Variants in TRHDE observed in about 807,000 individuals in gnomAD.
TRHDE encodes the protein thyrotropin releasing hormone degrading enzyme.
A neutral mutation model predicts 125.7 loss-of-function variants in TRHDE; 72 were observed. The ratio of observed to expected loss-of-function variants is 0.57; its 90% CI spans 0.47 to 0.70. The LOEUF is 0.70. Among genes scored for constraint, TRHDE ranks in the 30% least tolerant of loss-of-function variants. The pLI, the probability that TRHDE is intolerant of heterozygous loss-of-function variation, is 0.00. For synonymous variants in TRHDE, 509 were observed against 509.1 expected, an observed-to-expected ratio of 1.00 and a Z score of 0.00; for missense variants, 1,110 against 1,327.1, an observed-to-expected ratio of 0.84 and a Z score of 2.54.
chr12:72,596,677 A>G (rs1027238349), intron 12 of TRHDE, among the ~76,000 whole-genome samples: 7 of 152,178 alleles, frequency 4.6e-5, no homozygotes, highest in Non-Finnish European at 1.0e-4. Context: ...CCTTTGATCT[A>G]GAAGGAGACA....
At chr12:72,441,063 T>C (rs369608704) in intron 3 of TRHDE, among the ~76,000 whole-genome samples, 1 of 151,868 alleles carries the variant, frequency 6.6e-6, no homozygotes, top group Non-Finnish European at 1.5e-5. Flanking sequence ...ATCAAAATAC[T>C]GTTATACTCA....
intron 2 of TRHDE, among the ~76,000 whole-genome samples, chr12:72,177,281 A>C (rs904927803): frequency 3.9e-5 from 6 of 152,206 alleles, no homozygotes; most frequent in African/African-American, 1.4e-4. Context: ...ATAATATTGT[A>C]TGTTAGCTTA....
chr12:72,366,655 G>T (rs1871350745), intron 2 of TRHDE, among the ~76,000 whole-genome samples: 1 of 151,898 alleles, frequency 6.6e-6, no homozygotes, highest in South Asian at 2.1e-4. Flanking sequence ...TTAAGTATAA[G>T]AGCCTATAAA....
At chr12:72,442,503 T>C (rs145906877) in intron 3 of TRHDE, among the ~76,000 whole-genome samples, 2 of 151,948 alleles carry the variant, frequency 1.3e-5, no homozygotes, top group Non-Finnish European at 2.9e-5. Flanking sequence ...TACTTATCTA[T>C]CTGCATTTCC....
chr12:72,503,875 T>A (rs1198824050), intron 6 of TRHDE, among the ~76,000 whole-genome samples: 1 of 152,172 alleles, frequency 6.6e-6, no homozygotes, highest in East Asian at 1.9e-4. Flanking sequence ...AATAGATTAT[T>A]ACTGGCCAAT....
intron 3 of TRHDE, among the ~76,000 whole-genome samples, chr12:72,455,631 T>A (rs1416037616): frequency 6.6e-6 from 1 of 152,128 alleles, no homozygotes. Flanking sequence ...AAAACTTACC[T>A]AGTAGTCAAC....
At chr12:72,549,145 T>G (rs888823890) in intron 7 of TRHDE, among the ~76,000 whole-genome samples, 1 of 151,872 alleles carries the variant, frequency 6.6e-6, no homozygotes, top group African/African-American at 2.4e-5. Flanking sequence ...ATATCATTAT[T>G]ATTGGTTTGT....
At chr12:72,486,301 C>T (rs905356044) in intron 5 of TRHDE, among the ~76,000 whole-genome samples, 27 of 152,294 alleles carry the variant, frequency 1.8e-4, no homozygotes, top group African/African-American at 6.0e-4. Context: ...GTTAGTTTTA[C>T]AAGACCCTGA....
Position 72,374,292 on chromosome 12 carries a change from AGTGTGTGTGTGT to A in TRHDE, c.1189-3673_1189-3662del, listed in dbSNP as rs148577049. 6.9e-3 allele frequency among the ~76,000 whole-genome samples: 925 copies of A among 134,092 alleles called. 4 individuals carry two copies. Among genetic ancestry groups the A allele is most frequent in the African/African-American group, 0.024 (839 of 34,254 alleles). 88.0% of individuals were successfully genotyped at this position (134,092 alleles called of 152,430 possible). On this transcript the variant is annotated intron_variant, in intron 2 of 18. Coordinates refer to ENST00000261180, the MANE Select transcript of TRHDE (RefSeq NM_013381.3). ...AGGTGGGAAAGATTTTAGAAGGAGA[AGTGTGTGTGTGT>A]GTGTGTGTGTGTGTGTGTGTGTGTG...
intron 9 of TRHDE, among the ~76,000 whole-genome samples, chr12:72,567,153 G>T (rs1180338057): frequency 2.2e-5 from 3 of 135,862 alleles, no homozygotes; most frequent in African/African-American, 1.0e-4. Context: ...TGAAAGCTTG[G>T]AAGTATTTGT....
At chr12:72,421,984 C>T (rs187129560) in intron 3 of TRHDE, among the ~76,000 whole-genome samples, 2 of 152,166 alleles carry the variant, frequency 1.3e-5, no homozygotes, top group Admixed American at 1.3e-4. Flanking sequence ...TATATGTCTA[C>T]CTTTATTCCT....
intron 2 of TRHDE, among the ~76,000 whole-genome samples, chr12:72,371,015 G>T (rs1245299482): frequency 1.3e-5 from 2 of 152,108 alleles, no homozygotes; most frequent in African/African-American, 2.4e-5. Context: ...AAATTGCTGG[G>T]ATTACAGGCG....
At chr12:72,565,433 GT>G (rs1236296032) in intron 9 of TRHDE, among the ~76,000 whole-genome samples, 1 of 152,136 alleles carries the variant, frequency 6.6e-6, no homozygotes, top group Non-Finnish European at 1.5e-5. Flanking sequence ...TAACTGAATA[GT>G]CACATAAAGT....
chr12:72,093,490 C>T (rs1874839367), intron 1 of TRHDE, among the ~76,000 whole-genome samples: 1 of 152,058 alleles, frequency 6.6e-6, no homozygotes, highest in African/African-American at 2.4e-5. Context: ...TCCATAGGTC[C>T]CTAAACTTTT....
intron 3 of TRHDE, among the ~76,000 whole-genome samples, chr12:72,451,522 C>G (rs142211870): frequency 6.6e-6 from 1 of 152,098 alleles, no homozygotes; most frequent in South Asian, 2.1e-4. Flanking sequence ...GTTTTTATTT[C>G]TATGGCTTTA....
At position 72,593,514 on chromosome 12, in the gene TRHDE, TTTATTA is replaced by T. The variant is rs140264819; in HGVS notation, c.2321+17984_2321+17989del. ...TTTTTTTGAGAGGGAGTTTTACTCTTTTATTATTATTATTATTTCACTTTAAGTTCT... is the reference window on the plus strand; with the variant it reads ...TTTTTTTGAGAGGGAGTTTTACTCTTTTATTATTATTTCACTTTAAGTTCT... On this transcript the variant is annotated intron_variant, in intron 12 of 18. Transcript: ENST00000261180. Among the ~76,000 whole-genome samples, 154 of 151,920 alleles carry T rather than the reference TTTATTA, an allele frequency of 1.0e-3. 1 individual carries two copies. The highest frequency in any genetic ancestry group is 3.1e-3 in the African/African-American group (130 of 41,450).
chr12:72,632,068 G>T (rs1873520212), intron 15 of TRHDE, among the ~76,000 whole-genome samples: 1 of 151,976 alleles, frequency 6.6e-6, no homozygotes, highest in African/African-American at 2.4e-5. Flanking sequence ...AGCAACAAAT[G>T]TTATTTGTCG....
chr12:72,317,478 C>T (rs185315458), intron 2 of TRHDE, among the ~76,000 whole-genome samples: 210 of 152,180 alleles, frequency 1.4e-3, no homozygotes, highest in African/African-American at 4.8e-3. Context: ...CTGGTAGGTT[C>T]GGTGTCTGGT....
chr12:72,264,873 G>A (rs1879029495), intron 2 of TRHDE, among the ~76,000 whole-genome samples: 1 of 149,616 alleles, frequency 6.7e-6, no homozygotes, highest in South Asian at 2.1e-4. Flanking sequence ...TTAATATGCC[G>A]ATAACTCAAA....
Sources: gnomAD v4.1 joint callset for allele counts (sites outside exome capture counted in the v4.1 genomes callset) on GRCh38, gnomAD v4.1.1 for gene constraint, MANE v1.5 for transcripts, NCBI Gene and HGNC (gene_info 2026-07-23, HGNC 2026-07-21) for gene names.